Variants in PCSK6 observed in about 807,000 individuals in gnomAD.
PCSK6 encodes proprotein convertase subtilisin/kexin type 6.
In PCSK6, 85 loss-of-function variants were observed where a neutral mutation model predicts 123.3. The observed-to-expected ratio is 0.69, with a 90% CI of 0.58 to 0.83. The LOEUF (loss-of-function observed/expected upper bound fraction) is 0.83. PCSK6 is among the 40% of genes least tolerant of loss of function. PCSK6 has a pLI of 0.00. For missense variants in PCSK6, 1,191 were observed against 1,282.3 expected (o/e 0.93, Z 1.09); for synonymous variants, 508 against 516.0 (o/e 0.98, Z 0.21).
chr15:101,453,331 C>A (rs909269698), intron 1 of PCSK6, among the ~76,000 whole-genome samples: 10 of 152,240 alleles, frequency 6.6e-5, no homozygotes, highest in Non-Finnish European at 8.8e-5. Context: ...AGAGCACACG[C>A]CCCTGCTCCC....
In PCSK6 at chr15:101,384,318, G is replaced by T. The variant is rs759132102; in HGVS notation, c.1414+4C>A. ...AATGGTCCACCAGAACGCCACTGCC[G>T]CACCTTTATGACCCGCGCCGTTCAC... On this transcript the variant is annotated splice_donor_region_variant and intron_variant, in intron 10 of 21. Transcript: ENST00000611716. The T allele has an allele frequency of 1.2e-6, 2 of 1,612,948 alleles. No homozygotes were observed. Among genetic ancestry groups the T allele is most frequent in the Non-Finnish European group, 1.7e-6 (2 of 1,179,234 alleles).
At chr15:101,315,834 C>A (rs1422334863) in intron 19 of PCSK6, among the ~76,000 whole-genome samples, 1 of 152,192 alleles carries the variant, frequency 6.6e-6, no homozygotes, top group Non-Finnish European at 1.5e-5. Context: ...TGCCAGCAGC[C>A]CCGAAGGATT....
intron 13 of PCSK6, among the ~76,000 whole-genome samples, chr15:101,335,381 T>C (rs1043758256): frequency 7.2e-5 from 11 of 152,238 alleles, no homozygotes; most frequent in African/African-American, 2.2e-4. Context: ...AAAACCCCAT[T>C]AAAAAGCAGT....
At chr15:101,375,573 G>A (rs730556) in intron 11 of PCSK6, among the ~76,000 whole-genome samples, 63,068 of 152,042 alleles carry the variant, frequency 0.41, 13,469 homozygotes, top group Admixed American at 0.51. Flanking sequence ...ATATTCACCT[G>A]GTGGCTGACA....
chr15:101,371,501 T>C (rs1210136244), intron 11 of PCSK6, among the ~76,000 whole-genome samples: 1 of 152,250 alleles, frequency 6.6e-6, no homozygotes, highest in Admixed American at 6.5e-5. Flanking sequence ...TTCCGAAGAC[T>C]AGCATTGAAA....
intron 1 of PCSK6, among the ~76,000 whole-genome samples, chr15:101,449,167 A>AT (rs1245789914): frequency 6.6e-6 from 1 of 152,218 alleles, no homozygotes; most frequent in Non-Finnish European, 1.5e-5. Context: ...AAATGGCATC[A>AT]TATTTGCATA....
intron 20 of PCSK6, chr15:101,313,098 G>C (rs541409528): frequency 7.3e-7 from 1 of 1,377,898 alleles, no homozygotes; most frequent in Non-Finnish European, 9.5e-7. Flanking sequence ...GGGACGTCCC[G>C]CGTAGTCCAC....
At chr15:101,489,078 C>T (rs1206091168) in intron 1 of PCSK6, among the ~76,000 whole-genome samples, 10 of 149,288 alleles carry the variant, frequency 6.7e-5, no homozygotes, top group African/African-American at 2.2e-4. Context: ...GCCACACTTC[C>T]GAGCGCGGGG....
At chr15:101,326,789 G>A (rs1358493423) in intron 15 of PCSK6, among the ~76,000 whole-genome samples, 1 of 152,234 alleles carries the variant, frequency 6.6e-6, no homozygotes, top group Non-Finnish European at 1.5e-5. Context: ...AGAGCCTGGA[G>A]GGGTAGCGGG....
intron 20 of PCSK6, among the ~76,000 whole-genome samples, chr15:101,311,457 T>A (rs889369004): frequency 6.6e-6 from 1 of 151,976 alleles, no homozygotes; most frequent in Admixed American, 6.5e-5. Flanking sequence ...GCTATTGCCA[T>A]GTGATGTGCT....
rs114812300 is a variant in PCSK6, at chr15:101,456,094, A to G, written c.298-12434T>C. Among the ~76,000 whole-genome samples, 104 of 152,362 alleles carry G rather than the reference A, an allele frequency of 6.8e-4. 1 individual carries two copies. The highest frequency in any genetic ancestry group is 2.4e-3 in the African/African-American group (100 of 41,582). On this transcript the variant is annotated intron_variant, in intron 1 of 21. Transcript: ENST00000611716. ...ATCTGTGGCTTATGGAATATTTGCC[A>G]ATAAATGATTTCAACAGAACTTGCA...
intron 18 of PCSK6, among the ~76,000 whole-genome samples, chr15:101,321,820 G>A (rs903240375): frequency 6.6e-5 from 10 of 152,246 alleles, no homozygotes; most frequent in Non-Finnish European, 1.5e-4. Context: ...GATCCTTCCA[G>A]TGCGGACCAT....
chr15:101,373,412 G>T (rs2041643181), intron 11 of PCSK6, among the ~76,000 whole-genome samples: 1 of 152,182 alleles, frequency 6.6e-6, no homozygotes, highest in Non-Finnish European at 1.5e-5. Flanking sequence ...AGGCCACCAG[G>T]ACTCCTCATT....
chr15:101,328,779 C>T (rs190798133), intron 15 of PCSK6, among the ~76,000 whole-genome samples: 4 of 152,316 alleles, frequency 2.6e-5, no homozygotes, highest in Admixed American at 2.6e-4. Context: ...GGTGGAGATG[C>T]CTAGATGAAT....
chr15:101,309,706 G>C (rs1196169911), intron 20 of PCSK6, among the ~76,000 whole-genome samples: 1 of 152,248 alleles, frequency 6.6e-6, no homozygotes, highest in African/African-American at 2.4e-5. Context: ...CTGGGGGCAA[G>C]TGGAGGCAGG....
chr15:101,478,705 G>A lies in PCSK6; in HGVS notation c.297+10669C>T, dbSNP rs1363174729. ...GCACAGATGACTGAACATCTGCCTTGGCCTTGAGAGCAGAGTCCCTGCAGG... is the reference window on the plus strand; with the variant it reads ...GCACAGATGACTGAACATCTGCCTTAGCCTTGAGAGCAGAGTCCCTGCAGG... On this transcript the variant is annotated intron_variant, in intron 1 of 21. Coordinates refer to ENST00000611716, the MANE Select transcript of PCSK6 (RefSeq NM_002570.5). Among the ~76,000 whole-genome samples, 4 of 152,180 alleles carry A rather than the reference G, an allele frequency of 2.6e-5. 1 individual carries two copies. The East Asian group carries it at 7.7e-4, about 29-fold the overall frequency.
intron 11 of PCSK6, among the ~76,000 whole-genome samples, chr15:101,379,548 T>C (rs1317651300): frequency 6.6e-6 from 1 of 152,188 alleles, no homozygotes; most frequent in Non-Finnish European, 1.5e-5. Context: ...CTGTCTTCCC[T>C]CTTGCTCTGC....
At chr15:101,488,779 C>A (rs903724622) in intron 1 of PCSK6, among the ~76,000 whole-genome samples, 4 of 151,536 alleles carry the variant, frequency 2.6e-5, no homozygotes, top group African/African-American at 4.8e-5. Flanking sequence ...CGGCCGGGCT[C>A]CAGGGTGCAG....
At chr15:101,394,476 G>C (rs1408798618) in intron 7 of PCSK6, among the ~76,000 whole-genome samples, 1 of 152,144 alleles carries the variant, frequency 6.6e-6, no homozygotes. Flanking sequence ...ATATAGTCCA[G>C]ATGGCTGGAT....
Sources: gnomAD v4.1 joint callset for allele counts (sites outside exome capture counted in the v4.1 genomes callset) on GRCh38, gnomAD v4.1.1 for gene constraint, MANE v1.5 for transcripts, NCBI Gene and HGNC (gene_info 2026-07-23, HGNC 2026-07-21) for gene names.